The following RBPJ variants were observed in gnomAD, a reference collection of about 807,000 sequenced individuals.
RBPJ encodes the protein recombining binding protein suppressor of hairless.
In RBPJ, 9 loss-of-function variants were observed where a neutral mutation model predicts 67.8. The observed-to-expected ratio is 0.13, with a 90% confidence interval of 0.08 to 0.23. The LOEUF (loss-of-function observed/expected upper bound fraction) is 0.23, where lower values mean the gene tolerates loss of function less well. Among genes scored for constraint, RBPJ ranks in the 10% least tolerant of loss-of-function variants. The probability of loss-of-function intolerance (pLI) is 1.00; values close to 1 mark genes in which losing one functional copy is unlikely to be tolerated. For missense variants in RBPJ, 305 were observed against 595.6 expected, an observed-to-expected ratio of 0.51 and a Z score of 5.08; for synonymous variants, 198 against 203.3, an observed-to-expected ratio of 0.97 and a Z score of 0.22.
intron 1 of RBPJ, chr4:26,367,818 G>A (rs1328747357): frequency 6.6e-6 from 1 of 152,126 alleles, no homozygotes; most frequent in African/African-American, 2.4e-5. Flanking sequence ...AAAGCAGGGT[G>A]GTATCAGCAT....
chr4:26,231,176 C>T (rs1719270186), intron 1 of RBPJ, among the ~76,000 whole-genome samples: 1 of 152,148 alleles, frequency 6.6e-6, no homozygotes, highest in African/African-American at 2.4e-5. Flanking sequence ...CTCAAAAGAG[C>T]CATAAAACCA....
chr4:26,416,741 A>G (rs964811909), intron 4 of RBPJ, among the ~76,000 whole-genome samples: 9 of 152,188 alleles, frequency 5.9e-5, no homozygotes, highest in African/African-American at 9.7e-5. Flanking sequence ...GGCACTAGGT[A>G]TATGGGTTGG....
At chr4:26,121,839 C>G in the RBPJ span, among the ~76,000 whole-genome samples, 62 of 150,176 alleles carry the variant, frequency 4.1e-4, no homozygotes, top group Non-Finnish European at 8.0e-4. Flanking sequence ...AGATTACACA[C>G]AAGAACCTCA....
In RBPJ at chr4:26,269,756, C is replaced by T. The variant is rs187497404; in HGVS notation, c.-166-92690C>T. 1.2e-4 allele frequency among the ~76,000 whole-genome samples: 18 copies of T among 152,006 alleles called. No homozygotes were observed. In the East Asian group the frequency reaches 3.5e-3, roughly 29 times the overall value. ...CTAAGGAAAAGGAGGAAGCGGTGAGCGGGTATGGGCAGAATAATTTGAGGG... is the reference window on the plus strand; with the variant it reads ...CTAAGGAAAAGGAGGAAGCGGTGAGTGGGTATGGGCAGAATAATTTGAGGG... On this transcript the variant is annotated intron_variant, in intron 1 of 4. Transcript: ENST00000512351.
the RBPJ span, among the ~76,000 whole-genome samples, chr4:26,153,312 G>A: frequency 1.7e-4 from 26 of 152,268 alleles, no homozygotes; most frequent in Admixed American, 6.5e-4. Context: ...ATGACAAACC[G>A]TTAATGCAGT....
At chr4:26,349,098 A>G (rs4566641) in intron 1 of RBPJ, among the ~76,000 whole-genome samples, 22 of 73,980 alleles carry the variant, frequency 3.0e-4, no homozygotes, top group South Asian at 9.5e-4. Flanking sequence ...GCGCGCGCGC[A>G]CGCACTTGCC....
the RBPJ span, among the ~76,000 whole-genome samples, chr4:26,141,480 C>T: frequency 1.3e-5 from 2 of 152,242 alleles, no homozygotes; most frequent in African/African-American, 4.8e-5. Flanking sequence ...CACTTCCTAC[C>T]CCCAAGTTAA....
At chr4:26,316,615 GAT>G (rs1221658315), upstream of RBPJ, among the ~76,000 whole-genome samples, 20 of 129,492 alleles carry the variant, frequency 1.5e-4, no homozygotes, top group South Asian at 4.7e-4. Context: ...TACACATATT[GAT>G]ATATATATAC....
chr4:26,115,922 T>A, the RBPJ span, among the ~76,000 whole-genome samples: 6 of 148,662 alleles, frequency 4.0e-5, no homozygotes, highest in Admixed American at 4.0e-4. Context: ...CACTGCACTC[T>A]ACAGATGAAA....
rs1736328748 is a variant in RBPJ, at chr4:26,432,521, G to T, written c.*1514G>T. 6.6e-6 allele frequency: 1 copy of T among 152,110 alleles called. No individual in the cohort carries two copies. The highest frequency in any genetic ancestry group is 2.4e-5 in the African/African-American group (1 of 41,416). The allele number at this position is 152,110 out of a possible 1,614,324, so 9.4% of individuals were successfully genotyped here. A position where few individuals can be genotyped will look rare whatever the true frequency, so the allele number is the denominator to read the frequency against. ...GATTTGGTTGCATTCAGGGTTGTAGGTTGGCCTTGCTTGCTAACCCCGCCG... is the reference window on the plus strand; with the variant it reads ...GATTTGGTTGCATTCAGGGTTGTAGTTTGGCCTTGCTTGCTAACCCCGCCG... On this transcript the variant is annotated 3_prime_UTR_variant, in exon 11 of 11. Transcript: ENST00000355476.
chr4:26,215,769 C>G (rs973304432), intron 1 of RBPJ, among the ~76,000 whole-genome samples: 7 of 152,130 alleles, frequency 4.6e-5, no homozygotes, highest in African/African-American at 1.7e-4. Context: ...AAATGGCTAA[C>G]CTTCAGCACC....
chr4:26,403,441 T>A (rs1733060932), intron 2 of RBPJ, among the ~76,000 whole-genome samples: 1 of 152,188 alleles, frequency 6.6e-6, no homozygotes, highest in Non-Finnish European at 1.5e-5. Context: ...GTTACATAGG[T>A]AAACTCATGC....
upstream of RBPJ, among the ~76,000 whole-genome samples, chr4:26,319,393 C>T (rs1482728728): frequency 6.6e-6 from 1 of 152,100 alleles, no homozygotes; most frequent in Non-Finnish European, 1.5e-5. Flanking sequence ...CGCGGGTCTC[C>T]TCCCCCGCCG....
the RBPJ span, among the ~76,000 whole-genome samples, chr4:26,135,376 G>T: frequency 5.7e-4 from 87 of 152,160 alleles, no homozygotes; most frequent in African/African-American, 1.7e-3. Flanking sequence ...AGATGAGAAA[G>T]CTGAGGATGA....
At chr4:26,343,339 T>C (rs964172580) in intron 1 of RBPJ, 2 of 152,226 alleles carry the variant, frequency 1.3e-5, no homozygotes, top group African/African-American at 4.8e-5. Context: ...AGATATGTTA[T>C]AGACGTGGTT....
At chr4:26,165,043 A>C (rs1293236639) in intron 1 of RBPJ, among the ~76,000 whole-genome samples, 3 of 152,240 alleles carry the variant, frequency 2.0e-5, no homozygotes, top group Non-Finnish European at 2.9e-5. Flanking sequence ...ATTTAACTAC[A>C]GTATAATATT....
At chr4:26,175,577 G>T (rs1716767877) in intron 1 of RBPJ, among the ~76,000 whole-genome samples, 3 of 152,204 alleles carry the variant, frequency 2.0e-5, no homozygotes, top group Admixed American at 6.5e-5. Context: ...TTTCAAATGT[G>T]CACCACAGTG....
chr4:26,297,330 C>G (rs571490341), intron 1 of RBPJ, among the ~76,000 whole-genome samples: 2 of 143,444 alleles, frequency 1.4e-5, no homozygotes, highest in South Asian at 4.3e-4. Flanking sequence ...TTTAAAAAAT[C>G]ACTTTGTGTG....
intron 2 of RBPJ, among the ~76,000 whole-genome samples, chr4:26,405,219 C>T (rs916800409): frequency 6.6e-6 from 1 of 152,132 alleles, no homozygotes; most frequent in South Asian, 2.1e-4. Context: ...CACCAGGCTA[C>T]TTAGTGTGTA....
Sources: allele counts gnomAD v4.1 joint callset (sites outside exome capture counted in the v4.1 genomes callset), GRCh38; gene constraint gnomAD v4.1.1; transcripts MANE v1.5; gene names NCBI Gene and HGNC (gene_info 2026-07-23, HGNC 2026-07-21).